Variants in LDB2 observed in about 807,000 individuals in gnomAD.
LDB2 encodes the protein LIM domain-binding protein 2.
A neutral mutation model predicts 44.3 loss-of-function variants in LDB2; 12 were observed. The observed-to-expected ratio is 0.27, with a 90% CI of 0.17 to 0.44. The LOEUF (loss-of-function observed/expected upper bound fraction) is 0.44, where lower values mean the gene tolerates loss of function less well. LDB2 is among the 20% of genes least tolerant of loss of function. The pLI is 1.00. For missense variants in LDB2, 344 were observed against 473.5 expected, an observed-to-expected ratio of 0.73 and a Z score of 2.54; for synonymous variants, 164 against 174.8, an observed-to-expected ratio of 0.94 and a Z score of 0.49.
intron 2 of LDB2, among the ~76,000 whole-genome samples, chr4:16,611,595 C>T (rs1287172460): frequency 2.7e-5 from 4 of 148,550 alleles, no homozygotes; most frequent in African/African-American, 4.9e-5. Context: ...TTTAAACCAA[C>T]AAAGGTCAAA....
chr4:16,861,673 T>C (rs926082904), intron 1 of LDB2, among the ~76,000 whole-genome samples: 1 of 152,192 alleles, frequency 6.6e-6, no homozygotes, highest in Admixed American at 6.5e-5. Flanking sequence ...CTTGCCCTCA[T>C]GGGCTGCAGA....
At chr4:16,702,663 C>G (rs910562710) in intron 2 of LDB2, among the ~76,000 whole-genome samples, 1 of 152,164 alleles carries the variant, frequency 6.6e-6, no homozygotes, top group Non-Finnish European at 1.5e-5. Flanking sequence ...AAGGTGAACA[C>G]AATGGCTGTC....
chr4:16,579,752 T>C (rs1713552276), intron 5 of LDB2, among the ~76,000 whole-genome samples: 1 of 152,230 alleles, frequency 6.6e-6, no homozygotes, highest in South Asian at 2.1e-4. Flanking sequence ...GTTTTATTTG[T>C]GTGGTTCTTA....
chr4:16,826,436 C>A (rs1001949476), intron 1 of LDB2: 3 of 152,186 alleles, frequency 2.0e-5, no homozygotes, highest in Non-Finnish European at 1.5e-5. Flanking sequence ...TTACCTGGGG[C>A]TCATCTACAT....
intron 1 of LDB2, among the ~76,000 whole-genome samples, chr4:16,809,770 G>A (rs894351263): frequency 2.6e-5 from 4 of 151,944 alleles, no homozygotes; most frequent in Admixed American, 1.3e-4. Flanking sequence ...CATGGGACTC[G>A]CTGATAAACT....
In LDB2 at chr4:16,613,402, A is replaced by G. The variant is rs545051366; in HGVS notation, c.236-17527T>C. ...GAAAGAAATAAAGGGTATTCAAATA[A>G]GAAGAGATGCAGTCAAGTTGTCTCT... On this transcript the variant is annotated intron_variant, in intron 2 of 7. Coordinates refer to ENST00000304523, the MANE Select transcript of LDB2 (RefSeq NM_001290.5). Among the ~76,000 whole-genome samples, 374 of 152,330 alleles carry G rather than the reference A, an allele frequency of 2.5e-3. 2 individuals carry two copies. The highest frequency in any genetic ancestry group is 8.3e-3 in the African/African-American group (347 of 41,574).
intron 2 of LDB2, among the ~76,000 whole-genome samples, chr4:16,708,540 TC>T (rs1755129489): frequency 6.6e-6 from 1 of 151,930 alleles, no homozygotes; most frequent in Admixed American, 6.6e-5. Flanking sequence ...CCTACCACCT[TC>T]CTCTGCAAAT....
At chr4:16,698,225 C>T (rs1218307137) in intron 2 of LDB2, among the ~76,000 whole-genome samples, 1 of 152,172 alleles carries the variant, frequency 6.6e-6, no homozygotes, top group African/African-American at 2.4e-5. Flanking sequence ...AAACACTTCA[C>T]CGAACATTCT....
At chr4:16,667,972 A>G (rs1364265499) in intron 2 of LDB2, among the ~76,000 whole-genome samples, 1 of 152,206 alleles carries the variant, frequency 6.6e-6, no homozygotes, top group Non-Finnish European at 1.5e-5. Flanking sequence ...TATCCTATAT[A>G]ACAGAATTCT....
At chr4:16,671,523 G>A (rs1744768874) in intron 2 of LDB2, among the ~76,000 whole-genome samples, 1 of 152,128 alleles carries the variant, frequency 6.6e-6, no homozygotes, top group Non-Finnish European at 1.5e-5. Flanking sequence ...GCCTGGTCCA[G>A]TCCAGCAGCT....
At chr4:16,779,719 T>C (rs1292162564) in intron 1 of LDB2, among the ~76,000 whole-genome samples, 4 of 152,170 alleles carry the variant, frequency 2.6e-5, no homozygotes, top group Non-Finnish European at 5.9e-5. Context: ...GGCAAGTTAG[T>C]TTTCCCCTTC....
intron 1 of LDB2, among the ~76,000 whole-genome samples, chr4:16,883,906 T>A (rs1451053857): frequency 6.7e-6 from 1 of 148,236 alleles, no homozygotes; most frequent in Non-Finnish European, 1.5e-5. Flanking sequence ...TTTGCATCTT[T>A]AAAAAAAAAA....
chr4:16,699,278 T>C lies in LDB2; in HGVS notation c.235+59880A>G, dbSNP rs190176577. Among the ~76,000 whole-genome samples the C allele has an allele frequency of 3.9e-4, 60 of 152,358 alleles. No homozygotes were observed. In the East Asian group the frequency reaches 9.6e-3, roughly 24 times the overall value. ...AGCAAACACATTGGAAATAAAAGAT[T>C]CTGCCATTCCTTTTTGATCCATGTT... is the stretch of plus-strand genomic sequence containing the variant. On this transcript the variant is annotated intron_variant, in intron 2 of 7. Coordinates refer to ENST00000304523, the MANE Select transcript of LDB2 (RefSeq NM_001290.5).
At chr4:16,676,296 G>A (rs979626850) in intron 2 of LDB2, among the ~76,000 whole-genome samples, 1 of 152,210 alleles carries the variant, frequency 6.6e-6, no homozygotes, top group Non-Finnish European at 1.5e-5. Context: ...TCTGGAAGAT[G>A]TTGATGGAAA....
chr4:16,765,250 A>G (rs1768944823), intron 1 of LDB2, among the ~76,000 whole-genome samples: 1 of 152,332 alleles, frequency 6.6e-6, no homozygotes, highest in Non-Finnish European at 1.5e-5. Flanking sequence ...GAGCCAGCAT[A>G]TGCAGGACCC....
intron 2 of LDB2, among the ~76,000 whole-genome samples, chr4:16,711,849 C>T (rs1434024852): frequency 6.6e-6 from 1 of 152,164 alleles, no homozygotes; most frequent in East Asian, 1.9e-4. Flanking sequence ...AAAGAATAGT[C>T]TTTTTAACAA....
At chr4:16,527,155 G>C (rs1728534977) in intron 5 of LDB2, among the ~76,000 whole-genome samples, 1 of 152,118 alleles carries the variant, frequency 6.6e-6, no homozygotes. Flanking sequence ...CGAGATATTT[G>C]GGGAACACAT....
chr4:16,862,423 C>G (rs564544434), intron 1 of LDB2, among the ~76,000 whole-genome samples: 1 of 151,624 alleles, frequency 6.6e-6, no homozygotes, highest in South Asian at 2.1e-4. Context: ...CACCTGTGGT[C>G]GGGAGTTCAA....
intron 1 of LDB2, among the ~76,000 whole-genome samples, chr4:16,842,744 C>T (rs1786115702): frequency 6.6e-6 from 1 of 152,100 alleles, no homozygotes; most frequent in Non-Finnish European, 1.5e-5. Flanking sequence ...CATTTTTAAA[C>T]CTGGAACAAT....
Sources: allele counts gnomAD v4.1 joint callset (sites outside exome capture counted in the v4.1 genomes callset), GRCh38; gene constraint gnomAD v4.1.1; transcripts MANE v1.5; gene names NCBI Gene and HGNC (gene_info 2026-07-23, HGNC 2026-07-21).